The following PATJ variants were observed in gnomAD, a reference collection of about 807,000 sequenced individuals.
PATJ encodes inaD-like protein.
PATJ carries 190 observed loss-of-function variants against 224.9 expected under a neutral mutation model. The ratio of observed to expected loss-of-function variants is 0.84; its 90% CI spans 0.75 to 0.95. The LOEUF is 0.95. Among genes scored for constraint, PATJ ranks in the 40% least tolerant of loss-of-function variants. The probability of loss-of-function intolerance (pLI) is 0.00; values close to 1 mark genes in which losing one functional copy is unlikely to be tolerated. For synonymous variants in PATJ, 769 were observed against 820.3 expected (o/e 0.94, Z 1.07); for missense variants, 2,121 against 2,270.3 (o/e 0.93, Z 1.34).
chr1:62,138,302 C>T (rs997266088), intron 41 of PATJ, among the ~76,000 whole-genome samples: 2 of 151,908 alleles, frequency 1.3e-5, no homozygotes, highest in African/African-American at 4.8e-5. Flanking sequence ...CAAGAAGGAG[C>T]CTAAGTTTTC....
intron 39 of PATJ, among the ~76,000 whole-genome samples, chr1:62,123,379 GGC>G (rs1665317446): frequency 6.6e-6 from 1 of 150,878 alleles, no homozygotes; most frequent in South Asian, 2.1e-4. Flanking sequence ...GGTATCATGT[GGC>G]ACATACTAAA....
chr1:61,753,859 TA>T (rs1158952136), intron 1 of PATJ, among the ~76,000 whole-genome samples: 2 of 148,726 alleles, frequency 1.3e-5, no homozygotes, highest in African/African-American at 4.9e-5. Flanking sequence ...AAGAGTTTAA[TA>T]AAAAATATAT....
chr1:61,919,357 G>C (rs1231883293), intron 26 of PATJ, among the ~76,000 whole-genome samples: 1 of 151,028 alleles, frequency 6.6e-6, no homozygotes, highest in Non-Finnish European at 1.5e-5. Context: ...CTGTTGCCCA[G>C]GATGGAGTGC....
At chr1:62,017,143 A>G (rs1289400924) in intron 28 of PATJ, among the ~76,000 whole-genome samples, 1 of 152,188 alleles carries the variant, frequency 6.6e-6, no homozygotes, top group African/African-American at 2.4e-5. Flanking sequence ...GAGTCCTAAT[A>G]TACCCACTTA....
chr1:62,154,343 C>A (rs777440336), intron 43 of PATJ, among the ~76,000 whole-genome samples: 31 of 151,648 alleles, frequency 2.0e-4, no homozygotes, highest in Admixed American at 1.4e-3. Flanking sequence ...ATGAACAGAT[C>A]TTGTTGAACT....
intron 8 of PATJ, among the ~76,000 whole-genome samples, chr1:61,790,524 T>TTG (rs1237310194): frequency 6.8e-6 from 1 of 147,366 alleles, no homozygotes; most frequent in Non-Finnish European, 1.5e-5. Context: ...TGTTTTTTTT[T>TTG]TTTGTTTGAG....
chr1:61,959,369 T>C (rs1315438782), intron 27 of PATJ, among the ~76,000 whole-genome samples: 2 of 148,858 alleles, frequency 1.3e-5, no homozygotes, highest in Admixed American at 6.7e-5. Flanking sequence ...AAATGACAAC[T>C]TCTATTTCTA....
At chr1:61,797,605 A>G (rs1174330707) in intron 11 of PATJ, among the ~76,000 whole-genome samples, 177 bp downstream of exon 11, 1 of 152,206 alleles carries the variant, frequency 6.6e-6, no homozygotes, top group African/African-American at 2.4e-5. Context: ...TTTGCTTACT[A>G]TGTCAGTCAG....
intron 9 of PATJ, among the ~76,000 whole-genome samples, chr1:61,792,762 T>C (rs1650165019): frequency 6.6e-6 from 1 of 152,146 alleles, no homozygotes; most frequent in South Asian, 2.1e-4. Flanking sequence ...ACTCCTGACC[T>C]CAGGTGATCT....
intron 27 of PATJ, among the ~76,000 whole-genome samples, chr1:61,944,424 C>G (rs1207344853): frequency 6.6e-6 from 1 of 151,886 alleles, no homozygotes; most frequent in Non-Finnish European, 1.5e-5. Flanking sequence ...AAGTACGTGA[C>G]GAATGCACAA....
chr1:61,914,107 CTTTAGA>C (rs1673078474), intron 25 of PATJ, among the ~76,000 whole-genome samples: 1 of 152,164 alleles, frequency 6.6e-6, no homozygotes, highest in Non-Finnish European at 1.5e-5. Flanking sequence ...TACTTTTACT[CTTTAGA>C]TGAAGTTACA....
intron 12 of PATJ, among the ~76,000 whole-genome samples, chr1:61,805,178 C>T (rs985977325): frequency 1.3e-5 from 2 of 152,294 alleles, no homozygotes; most frequent in Non-Finnish European, 1.5e-5. Context: ...ATGTATAACT[C>T]ATCACGTCCT....
chr1:61,754,637 C>T (rs1386833510), intron 1 of PATJ, among the ~76,000 whole-genome samples: 2 of 148,962 alleles, frequency 1.3e-5, no homozygotes, highest in Non-Finnish European at 3.0e-5. Flanking sequence ...CCTGGAATTA[C>T]AGGCATGAGC....
At chr1:62,003,050 T>C (rs1275164300) in intron 28 of PATJ, among the ~76,000 whole-genome samples, 1 of 152,208 alleles carries the variant, frequency 6.6e-6, no homozygotes, top group Non-Finnish European at 1.5e-5. Context: ...AATAATACCA[T>C]TGATAGAGTT....
chr1:62,121,646 G>A (rs950957873), intron 38 of PATJ, among the ~76,000 whole-genome samples: 4 of 152,100 alleles, frequency 2.6e-5, no homozygotes, highest in Non-Finnish European at 5.9e-5. Flanking sequence ...GCATACGCCT[G>A]TAGTCCCAGC....
In PATJ at chr1:61,831,610, C is replaced by T. The variant is rs534908742; in HGVS notation, c.1981-2044C>T. On this transcript the variant is annotated intron_variant, in intron 16 of 43. Coordinates refer to ENST00000642238, the MANE Select transcript of PATJ (RefSeq NM_001350145.3). Reference sequence around the variant, plus strand: ...AATAGCACTGATCATTAGAGAAATGCAAATCAAAACTACAATGAGATACCA... The same window carrying T: ...AATAGCACTGATCATTAGAGAAATGTAAATCAAAACTACAATGAGATACCA... 3.9e-5 allele frequency among the ~76,000 whole-genome samples: 6 copies of T among 152,222 alleles called. No homozygotes were observed. The South Asian group carries it at 1.2e-3, about 32-fold the overall frequency.
chr1:62,139,241 A>C (rs1667244928), intron 41 of PATJ, among the ~76,000 whole-genome samples: 1 of 151,858 alleles, frequency 6.6e-6, no homozygotes, highest in African/African-American at 2.4e-5. Flanking sequence ...TCTCTACCAA[A>C]AATTCAAAAA....
At chr1:62,013,397 C>T (rs1364830538) in intron 28 of PATJ, 1 of 985,208 alleles carries the variant, frequency 1.0e-6, no homozygotes, top group African/African-American at 1.7e-5. Context: ...GTTGATTAAG[C>T]ACCACTTCCA....
intron 9 of PATJ, 117 bp from the exon 10 acceptor site, chr1:61,795,350 T>A (rs369660870): frequency 7.3e-6 from 4 of 551,316 alleles, no homozygotes. Context: ...GTGTTCAAAA[T>A]AGTATTTATC....
Sources: gnomAD v4.1 joint callset for allele counts (sites outside exome capture counted in the v4.1 genomes callset) on GRCh38, gnomAD v4.1.1 for gene constraint, MANE v1.5 for transcripts, NCBI Gene and HGNC (gene_info 2026-07-23, HGNC 2026-07-21) for gene names.